The following EPS15L1 variants were observed in gnomAD, a reference collection of about 807,000 sequenced individuals.
The protein encoded by EPS15L1 is epidermal growth factor receptor substrate 15-like 1.
In EPS15L1, 43 loss-of-function variants were observed where a neutral mutation model predicts 117.1. That is an observed-to-expected ratio of 0.37 (90% confidence interval 0.29 to 0.47). EPS15L1 has a LOEUF of 0.47. Ranked by LOEUF, EPS15L1 falls within the 20% of genes least tolerant of loss-of-function variation. The pLI, the probability that EPS15L1 is intolerant of heterozygous loss-of-function variation, is 0.99. For synonymous variants in EPS15L1, 459 were observed against 470.5 expected, an observed-to-expected ratio of 0.98 and a Z score of 0.32; for missense variants, 981 against 1,164.0, an observed-to-expected ratio of 0.84 and a Z score of 2.29.
At chr19:16,434,662 T>C (rs1003075089) in intron 6 of EPS15L1, 172 bp from the exon 7 acceptor site, 2 of 662,420 alleles carry the variant, frequency 3.0e-6, no homozygotes, top group Non-Finnish European at 5.0e-6. Flanking sequence ...AAAGTGAACA[T>C]ATACCCTGAA....
chr19:16,372,903 C>T (rs1467428642), intron 22 of EPS15L1, among the ~76,000 whole-genome samples: 2 of 152,242 alleles, frequency 1.3e-5, no homozygotes, highest in African/African-American at 2.4e-5. Context: ...GAATTGGCTG[C>T]CCAGAGGACA....
chr19:16,412,898 G>T, intron 13 of EPS15L1: 1 of 625,564 alleles, frequency 1.6e-6, no homozygotes. Context: ...AAGCTGGGCC[G>T]CCTGGTCAAG....
At chr19:16,427,054 G>A (rs143012439) in intron 8 of EPS15L1, among the ~76,000 whole-genome samples, 2 of 152,054 alleles carry the variant, frequency 1.3e-5, no homozygotes, top group South Asian at 2.1e-4. Flanking sequence ...GGAAAACTTC[G>A]TGCAGCAGTG....
At chr19:16,440,693 G>A (rs894489666) in intron 4 of EPS15L1, 169 bp downstream of exon 4, 1 of 558,938 alleles carries the variant, frequency 1.8e-6, no homozygotes, top group South Asian at 3.0e-5. Flanking sequence ...GGCTCCAAGT[G>A]TTTAAAAGAC....
intron 23 of EPS15L1, chr19:16,357,302 T>C (rs1373438719): frequency 1.3e-5 from 2 of 152,148 alleles, no homozygotes; most frequent in African/African-American, 4.8e-5. Flanking sequence ...GGGAGCAGGA[T>C]ACTAGGTGAA....
At chr19:16,362,724 A>G (rs962158704) in intron 22 of EPS15L1, among the ~76,000 whole-genome samples, 2 of 151,854 alleles carry the variant, frequency 1.3e-5, no homozygotes, top group Non-Finnish European at 2.9e-5. Flanking sequence ...TGCCCAGGCT[A>G]GCCTCAAACT....
chr19:16,364,999 C>T (rs1216318960), intron 22 of EPS15L1, among the ~76,000 whole-genome samples: 8 of 152,244 alleles, frequency 5.3e-5, no homozygotes, highest in Admixed American at 2.6e-4. Flanking sequence ...CCAGGTGGCA[C>T]CTCCTTCCCC....
In EPS15L1 at chr19:16,417,584, A is replaced by C; in HGVS notation, c.1161T>G (p.Asp387Glu). 1 of 1,614,180 alleles carries C rather than the reference A, an allele frequency of 6.2e-7. No individual in the cohort carries two copies. Among genetic ancestry groups the C allele is most frequent in the Non-Finnish European group, 8.5e-7 (1 of 1,180,008 alleles). ...ACTGGGCAATCTCTTGACTGATGTC[A>C]TCAAGCTCCTTCACGCCAGTAAACT... ...SGEFTGVKEL[D>E]DISQEIAQLQ... The change falls in exon 12 of 24, where the codon GAT becomes GAG. Residue 387 changes from aspartate to glutamate, a missense_variant. Physicochemically the swap from Asp to Glu is conservative, Grantham distance 45 (BLOSUM62 2). Around this residue, in one of 5 missense-constraint regions of EPS15L1, gnomAD observed 819 missense variants for 949.0 expected, o/e 0.86. Transcript: ENST00000455140.
Position 16,448,692 on chromosome 19 carries a change from T to G in EPS15L1, c.34-6473A>C, listed in dbSNP as rs1229513268. The stretch of plus-strand genomic sequence containing the variant: ...AAAATACAAAAAAATTAGCTGGGTG[T>G]AGTGGTGTGCACCTGTAATCCCAGC... On this transcript the variant is annotated intron_variant, in intron 1 of 23. Coordinates refer to ENST00000455140, the MANE Select transcript of EPS15L1 (RefSeq NM_001258374.3). Among the ~76,000 whole-genome samples the G allele has an allele frequency of 1.3e-5, 2 of 150,870 alleles. 1 individual carries two copies. The highest frequency in any genetic ancestry group is 3.0e-5 in the Non-Finnish European group (2 of 67,750).
At chr19:16,428,631 C>T (rs1273410069) in intron 8 of EPS15L1, 71 bp downstream of exon 8, 12 of 1,081,140 alleles carry the variant, frequency 1.1e-5, no homozygotes, top group East Asian at 5.1e-5. Flanking sequence ...GAAAGACAAA[C>T]GAATCCAGCA....
intron 12 of EPS15L1, among the ~76,000 whole-genome samples, chr19:16,415,082 G>A (rs759556721): frequency 6.6e-6 from 1 of 152,146 alleles, no homozygotes; most frequent in Non-Finnish European, 1.5e-5. Context: ...CCAACTGGGT[G>A]GCTTGGAACA....
intron 9 of EPS15L1, among the ~76,000 whole-genome samples, chr19:16,422,615 G>A (rs996999862): frequency 1.3e-5 from 2 of 152,064 alleles, no homozygotes; most frequent in Non-Finnish European, 2.9e-5. Flanking sequence ...TTCAATGAAC[G>A]CCATGATGCC....
At chr19:16,451,152 C>A (rs780315085) in intron 1 of EPS15L1, among the ~76,000 whole-genome samples, 1 of 151,118 alleles carries the variant, frequency 6.6e-6, no homozygotes, top group Non-Finnish European at 1.5e-5. Context: ...GGTCTCACCA[C>A]GTTGGCCAGG....
In EPS15L1 at chr19:16,383,597, G is replaced by A. The variant is rs2092387205; in HGVS notation, c.2247+1532C>T. 1 of 152,316 alleles carries A rather than the reference G, an allele frequency of 6.6e-6. No homozygotes were observed. The highest frequency in any genetic ancestry group is 6.5e-5 in the Admixed American group (1 of 15,286). The allele number at this position is 152,316 out of a possible 1,614,324, so 9.4% of individuals were successfully genotyped here. A position where few individuals can be genotyped will look rare whatever the true frequency, so the allele number is the denominator to read the frequency against. ...CCTTCTCCGTGTGCTGGAAGGAGGG[G>A]GGCGCCATGCCAGGGCCTCTGGGCT... On this transcript the variant is annotated intron_variant, in intron 21 of 23. Coordinates refer to ENST00000455140, the MANE Select transcript of EPS15L1 (RefSeq NM_001258374.3). This position sits in a 1 kb window ranked among gnomAD's most constrained non-coding sequence, Gnocchi z 5.2.
intron 22 of EPS15L1, among the ~76,000 whole-genome samples, chr19:16,372,319 C>A (rs370508443): frequency 1.3e-5 from 2 of 152,178 alleles, no homozygotes; most frequent in Admixed American, 6.5e-5. Flanking sequence ...TGCATGCCAG[C>A]CACACCAAAT....
At chr19:16,442,747 G>A (rs12460667) in intron 1 of EPS15L1, among the ~76,000 whole-genome samples, 3,666 of 152,292 alleles carry the variant, frequency 0.024, 120 homozygotes, top group Admixed American at 0.086. Context: ...GCCCGCGCCC[G>A]GAGAGCGCTG....
intron 23 of EPS15L1, among the ~76,000 whole-genome samples, chr19:16,359,613 C>G (rs192150812): frequency 1.3e-5 from 2 of 152,282 alleles, no homozygotes; most frequent in Non-Finnish European, 2.9e-5. Flanking sequence ...GTAATCCCAA[C>G]ACTTTGGGAG....
chr19:16,454,160 T>C (rs925162345), intron 1 of EPS15L1, among the ~76,000 whole-genome samples: 1 of 152,208 alleles, frequency 6.6e-6, no homozygotes, highest in Non-Finnish European at 1.5e-5. Context: ...AGATGCAGAC[T>C]GCAAGGCACT....
intron 22 of EPS15L1, among the ~76,000 whole-genome samples, chr19:16,374,740 A>C (rs147282454): frequency 6.6e-6 from 1 of 152,368 alleles, no homozygotes; most frequent in African/African-American, 2.4e-5. Flanking sequence ...CTCAGGGCCC[A>C]GCAAATACGG....
Sources: gnomAD v4.1 joint callset for allele counts (sites outside exome capture counted in the v4.1 genomes callset) on GRCh38, gnomAD v4.1.1 for gene constraint, gnomAD v4.1.1 regional missense constraint, Gnocchi (gnomAD v3.1) non-coding constraint, MANE v1.5 for transcripts, NCBI Gene and HGNC (gene_info 2026-07-23, HGNC 2026-07-21) for gene names.